Variants in PCSK5 observed in about 807,000 individuals in gnomAD.
PCSK5 encodes proprotein convertase subtilisin/kexin type 5, also known as prohormone convertase 5.
Under a neutral mutation model 233.2 loss-of-function variants are expected in PCSK5, and 129 were observed. The observed-to-expected ratio is 0.55, with a 90% CI of 0.48 to 0.64. The LOEUF is 0.64. Among genes scored for constraint, PCSK5 ranks in the 30% least tolerant of loss-of-function variants. PCSK5 has a pLI of 0.00. For missense variants in PCSK5, 2,076 were observed against 2,430.1 expected (o/e 0.85, Z 3.06); for synonymous variants, 825 against 879.2 (o/e 0.94, Z 1.09).
chr9:76,265,938 C>T (rs1174101823), intron 24 of PCSK5, among the ~76,000 whole-genome samples: 4 of 152,070 alleles, frequency 2.6e-5, no homozygotes, highest in Non-Finnish European at 2.9e-5. Context: ...CTTTGCAATC[C>T]TGTAAAGAGA....
At chr9:76,029,343 A>C (rs1828560882) in intron 5 of PCSK5, among the ~76,000 whole-genome samples, 1 of 152,198 alleles carries the variant, frequency 6.6e-6, no homozygotes, top group Non-Finnish European at 1.5e-5. Context: ...CATACAGTCC[A>C]CCAAAAATTT....
At position 76,121,966 on chromosome 9, in the gene PCSK5, G is replaced by A. The variant is rs1469384074; in HGVS notation, c.1209-12143G>A. On this transcript the variant is annotated intron_variant, in intron 9 of 37. Coordinates refer to ENST00000674117, the MANE Select transcript of PCSK5 (RefSeq NM_001372043.1). ...AGCCTCCCAAGTAGCAGGGACTACA[G>A]GCGCCCGCCACTACGCCCGGCTAAT... Among the ~76,000 whole-genome samples the A allele has an allele frequency of 2.0e-4, 21 of 104,554 alleles. 7 individuals carry two copies. The highest frequency in any genetic ancestry group is 4.2e-4 in the Non-Finnish European group (19 of 45,768). 68.6% of individuals were successfully genotyped at this position (104,554 alleles called of 152,430 possible). A position where few individuals can be genotyped will look rare whatever the true frequency, so the allele number is the denominator to read the frequency against.
At chr9:76,119,776 T>C (rs959606816) in intron 9 of PCSK5, among the ~76,000 whole-genome samples, 1 of 152,106 alleles carries the variant, frequency 6.6e-6, no homozygotes, top group African/African-American at 2.4e-5. Context: ...CAAGCATTTA[T>C]CCTTTAAGTT....
chr9:76,199,191 G>T (rs1824816637), intron 20 of PCSK5, among the ~76,000 whole-genome samples: 1 of 152,120 alleles, frequency 6.6e-6, no homozygotes, highest in African/African-American at 2.4e-5. Flanking sequence ...AACCTAGATG[G>T]CATAGCCTAC....
chr9:76,110,829 C>T (rs2131688940), intron 9 of PCSK5, among the ~76,000 whole-genome samples: 1 of 152,276 alleles, frequency 6.6e-6, no homozygotes, highest in African/African-American at 2.4e-5. Context: ...TTTGCTATGG[C>T]CAGGAACAGT....
intron 24 of PCSK5, among the ~76,000 whole-genome samples, chr9:76,256,020 T>G (rs1159722910): frequency 2.0e-5 from 3 of 152,210 alleles, no homozygotes; most frequent in African/African-American, 7.2e-5. Context: ...TAGACTGCAC[T>G]CATACACTAT....
intron 2 of PCSK5, 120 bp from the exon 3 acceptor site, chr9:75,986,012 C>G: frequency 1.6e-6 from 1 of 631,282 alleles, no homozygotes; most frequent in South Asian, 2.0e-5. Context: ...ATTTTAGTAG[C>G]CACAGTGAAA....
intron 10 of PCSK5, among the ~76,000 whole-genome samples, chr9:76,139,472 G>A (rs75322552): frequency 0.014 from 2,197 of 152,092 alleles, 50 homozygotes; most frequent in African/African-American, 0.049. Context: ...AAGTGAAGTG[G>A]TACTCATCTG....
chr9:75,942,614 A>G (rs1209259419), intron 2 of PCSK5, among the ~76,000 whole-genome samples: 1 of 152,184 alleles, frequency 6.6e-6, no homozygotes, highest in Non-Finnish European at 1.5e-5. Context: ...TGGAGGGCTT[A>G]TTCTTGTTCT....
At chr9:75,977,804 G>T (rs1826093891) in intron 2 of PCSK5, among the ~76,000 whole-genome samples, 1 of 151,768 alleles carries the variant, frequency 6.6e-6, no homozygotes, top group Non-Finnish European at 1.5e-5. Flanking sequence ...TAGAGATGGG[G>T]TTTTGCCATG....
intron 10 of PCSK5, among the ~76,000 whole-genome samples, chr9:76,145,959 A>G (rs1003654326): frequency 6.6e-6 from 1 of 152,222 alleles, no homozygotes; most frequent in East Asian, 1.9e-4. Context: ...CTAGCACTAT[A>G]AAGTGAGACT....
At chr9:76,013,980 T>C (rs1473337347) in intron 3 of PCSK5, among the ~76,000 whole-genome samples, 1 of 151,690 alleles carries the variant, frequency 6.6e-6, no homozygotes, top group Non-Finnish European at 1.5e-5. Flanking sequence ...AAAAAGGAAG[T>C]GGGAACTGAA....
intron 30 of PCSK5, among the ~76,000 whole-genome samples, chr9:76,316,042 G>A (rs1015835059): frequency 2.1e-5 from 3 of 145,800 alleles, no homozygotes; most frequent in Admixed American, 7.3e-5. Context: ...AGATTTATTC[G>A]TGTTGCGTCT....
At chr9:76,195,401 T>A (rs1824645573) in intron 20 of PCSK5, 1 of 152,178 alleles carries the variant, frequency 6.6e-6, no homozygotes. Context: ...TGTAGACGAA[T>A]AACCATCAAC....
chr9:76,183,507 AT>A (rs1764413219), intron 16 of PCSK5, among the ~76,000 whole-genome samples: 1 of 152,230 alleles, frequency 6.6e-6, no homozygotes, highest in African/African-American at 2.4e-5. Context: ...GGTGGGTAAC[AT>A]TGTAATCTCA....
intron 24 of PCSK5, among the ~76,000 whole-genome samples, chr9:76,252,059 A>G (rs898811230): frequency 5.3e-5 from 8 of 152,038 alleles, no homozygotes; most frequent in Non-Finnish European, 1.2e-4. Flanking sequence ...CAAGGTCAGG[A>G]GATCGAGACC....
chr9:76,210,542 G>A (rs968245367), intron 20 of PCSK5, among the ~76,000 whole-genome samples: 1 of 152,208 alleles, frequency 6.6e-6, no homozygotes, highest in African/African-American at 2.4e-5. Flanking sequence ...GCTACAGTTT[G>A]TAAGGTGAGC....
intron 2 of PCSK5, among the ~76,000 whole-genome samples, chr9:75,976,922 T>C (rs906255377): frequency 2.0e-5 from 3 of 152,156 alleles, no homozygotes; most frequent in Admixed American, 1.3e-4. Context: ...TTTTCCCCTA[T>C]GTAAGTACTT....
chr9:76,261,493 G>A (rs1018580880), intron 24 of PCSK5, among the ~76,000 whole-genome samples: 10 of 152,064 alleles, frequency 6.6e-5, no homozygotes, highest in African/African-American at 1.9e-4. Flanking sequence ...CAAGCTGAGG[G>A]CCAAATCAAG....
Sources: gnomAD v4.1 joint callset for allele counts (sites outside exome capture counted in the v4.1 genomes callset) on GRCh38, gnomAD v4.1.1 for gene constraint, MANE v1.5 for transcripts, NCBI Gene and HGNC (gene_info 2026-07-23, HGNC 2026-07-21) for gene names.